The following OR9Q1 variants were observed in gnomAD, a reference collection of about 807,000 sequenced individuals.
OR9Q1 encodes olfactory receptor family 9 subfamily Q member 1.
For missense variants in OR9Q1, 374 were observed against 378.8 expected, an observed-to-expected ratio of 0.99 and a Z score of 0.11; for synonymous variants, 153 against 148.6, an observed-to-expected ratio of 1.03 and a Z score of -0.22.
At chr11:58,167,659 T>C (rs993557311) in intron 2 of OR9Q1, among the ~76,000 whole-genome samples, 25 of 152,070 alleles carry the variant, frequency 1.6e-4, no homozygotes, top group Non-Finnish European at 2.9e-4. Context: ...GTGGATCAGG[T>C]TGGGGCTTGG....
At chr11:58,101,749 A>T (rs1057055428) in intron 2 of OR9Q1, among the ~76,000 whole-genome samples, 19 of 151,402 alleles carry the variant, frequency 1.3e-4, no homozygotes, top group Non-Finnish European at 2.8e-4. Context: ...ATCTTCCAAA[A>T]TTTTTTTTTC....
At chr11:58,143,435 G>A (rs1854269613) in intron 2 of OR9Q1, among the ~76,000 whole-genome samples, 1 of 152,180 alleles carries the variant, frequency 6.6e-6, no homozygotes, top group South Asian at 2.1e-4. Context: ...GGCTGATTAA[G>A]TTTTCTAATT....
At chr11:58,044,259 G>A (rs968070540) in intron 1 of OR9Q1, 1 of 152,222 alleles carries the variant, frequency 6.6e-6, no homozygotes, top group Non-Finnish European at 1.5e-5. Flanking sequence ...TTCATCTGAA[G>A]TCTACTCTGG....
intron 2 of OR9Q1, chr11:58,109,728 G>A: frequency 2.7e-6 from 1 of 369,722 alleles, no homozygotes; most frequent in South Asian, 2.1e-5. Context: ...AAAGGTCTTT[G>A]CTTTCTTCAG....
At chr11:58,059,841 A>T (rs988370352) in intron 2 of OR9Q1, 4 of 152,294 alleles carry the variant, frequency 2.6e-5, no homozygotes, top group African/African-American at 9.6e-5. Context: ...AGATGGCAGA[A>T]TACCATCAAA....
intron 2 of OR9Q1, among the ~76,000 whole-genome samples, chr11:58,176,347 T>C (rs1854606736): frequency 6.6e-6 from 1 of 152,320 alleles, no homozygotes; most frequent in South Asian, 2.1e-4. Flanking sequence ...GGGAAGAAAG[T>C]CTTTTCTCCT....
chr11:58,155,822 C>CT (rs528821045), intron 2 of OR9Q1, among the ~76,000 whole-genome samples: 93 of 149,466 alleles, frequency 6.2e-4, no homozygotes, highest in Middle Eastern at 3.5e-3. Flanking sequence ...ATGGCAAATT[C>CT]TTTTTTTTTG....
chr11:58,046,635 G>T (rs2119954297), intron 1 of OR9Q1, among the ~76,000 whole-genome samples: 1 of 152,240 alleles, frequency 6.6e-6, no homozygotes. Flanking sequence ...GCTGAGGCGG[G>T]TGGATCGTCT....
chr11:58,035,857 T>C (rs1011440096), intron 1 of OR9Q1, among the ~76,000 whole-genome samples: 2 of 151,872 alleles, frequency 1.3e-5, no homozygotes, highest in African/African-American at 4.8e-5. Context: ...CCAGATCAAA[T>C]ATAATAATCC....
rs1376708116 is a variant in OR9Q1, at chr11:58,119,609, G to T, written c.-14-59822G>T. The T allele has an allele frequency of 2.2e-5, 13 of 583,838 alleles. No individual in the cohort carries two copies. In the Admixed American group the frequency reaches 3.1e-4, roughly 14 times the overall value. 36.2% of individuals were successfully genotyped at this position (583,838 alleles called of 1,614,324 possible). On this transcript the variant is annotated intron_variant, in intron 2 of 2. Transcript: ENST00000335397. ...TCTGAAACTGGCTGATTTTCCTTGG[G>T]CATCTCTTGCATTTTATGGAACTGA... is the stretch of plus-strand genomic sequence containing the variant.
intron 2 of OR9Q1, among the ~76,000 whole-genome samples, chr11:58,076,500 G>T (rs1170888801): frequency 2.0e-5 from 3 of 152,152 alleles, no homozygotes; most frequent in African/African-American, 7.2e-5. Context: ...CAACAAGGCA[G>T]CTTACTCCTT....
chr11:58,178,749 G>C (rs1293421176), intron 2 of OR9Q1, among the ~76,000 whole-genome samples: 1 of 151,690 alleles, frequency 6.6e-6, no homozygotes, highest in Non-Finnish European at 1.5e-5. Flanking sequence ...CCCCTGTTCT[G>C]AGAATGTTTA....
intron 2 of OR9Q1, among the ~76,000 whole-genome samples, chr11:58,105,216 G>A (rs1362358535): frequency 6.6e-6 from 1 of 151,882 alleles, no homozygotes; most frequent in Non-Finnish European, 1.5e-5. Context: ...GTGTAGAGAA[G>A]GTAAGATAGA....
At chr11:58,144,853 G>C (rs1449875901) in intron 2 of OR9Q1, 1 of 152,508 alleles carries the variant, frequency 6.6e-6, no homozygotes, top group East Asian at 1.9e-4. Context: ...CCGGTACGTG[G>C]CTGTGTGTAA....
At chr11:58,124,828 G>A (rs1300573298) in intron 2 of OR9Q1, among the ~76,000 whole-genome samples, 1 of 152,134 alleles carries the variant, frequency 6.6e-6, no homozygotes, top group Non-Finnish European at 1.5e-5. Flanking sequence ...CCTAATCCTG[G>A]CAACCATTTA....
intron 2 of OR9Q1, among the ~76,000 whole-genome samples, chr11:58,165,594 G>A (rs1854493381): frequency 6.6e-6 from 1 of 152,130 alleles, no homozygotes; most frequent in South Asian, 2.1e-4. Flanking sequence ...TCCCCAATGG[G>A]CCTTAAAGGT....
intron 2 of OR9Q1, among the ~76,000 whole-genome samples, chr11:58,153,626 T>C (rs1324648421): frequency 6.6e-6 from 1 of 152,140 alleles, no homozygotes; most frequent in Non-Finnish European, 1.5e-5. Flanking sequence ...TTTTTAAAAC[T>C]TGGGTTTTAA....
At chr11:58,103,345 A>G (rs1191084119) in intron 2 of OR9Q1, among the ~76,000 whole-genome samples, 1 of 152,166 alleles carries the variant, frequency 6.6e-6, no homozygotes. Context: ...GGTCCCTCCC[A>G]CAACATGCGG....
chr11:58,028,904 T>C (rs1348710135), intron 1 of OR9Q1, among the ~76,000 whole-genome samples: 2 of 152,332 alleles, frequency 1.3e-5, no homozygotes, highest in African/African-American at 2.4e-5. Flanking sequence ...TAATTATTTA[T>C]AGGGGAAAGA....
Sources: gnomAD v4.1 joint callset for allele counts (sites outside exome capture counted in the v4.1 genomes callset) on GRCh38, gnomAD v4.1.1 for gene constraint, MANE v1.5 for transcripts, NCBI Gene and HGNC (gene_info 2026-07-23, HGNC 2026-07-21) for gene names.